MCF2L: variants seen among roughly 807,000 people sequenced by gnomAD.
MCF2L encodes the protein guanine nucleotide exchange factor DBS.
In MCF2L, 97 loss-of-function variants were observed where a neutral mutation model predicts 153.4. That is an observed-to-expected ratio of 0.63 (90% CI 0.54 to 0.75). MCF2L has a LOEUF of 0.75. MCF2L is among the 30% of genes least tolerant of loss of function. The probability of loss-of-function intolerance (pLI) is 0.00; values close to 1 mark genes in which losing one functional copy is unlikely to be tolerated. For synonymous variants in MCF2L, 659 were observed against 632.2 expected (o/e 1.04, Z -0.64); for missense variants, 1,347 against 1,495.2 (o/e 0.90, Z 1.64).
At chr13:113,069,945 C>A in intron 8 of MCF2L, 114 bp from the exon 9 acceptor site, 1 of 650,752 alleles carries the variant, frequency 1.5e-6, no homozygotes, top group Non-Finnish European at 2.6e-6. Flanking sequence ...AGGCCAGGAT[C>A]TCAGGAAGGC....
At chr13:112,924,221 A>G (rs577034595) in intron 2 of MCF2L, among the ~76,000 whole-genome samples, 2 of 150,940 alleles carry the variant, frequency 1.3e-5, no homozygotes, top group African/African-American at 2.4e-5. Context: ...GCTCCCCACA[A>G]CCCCCCCACG....
At chr13:113,060,315 A>C (rs2031169502) in intron 4 of MCF2L, among the ~76,000 whole-genome samples, 1 of 152,240 alleles carries the variant, frequency 6.6e-6, no homozygotes, top group Admixed American at 6.5e-5. Context: ...GACACAGCTC[A>C]GCCCCTAACA....
At chr13:112,985,938 G>A (rs762397790) in intron 1 of MCF2L, among the ~76,000 whole-genome samples, 4 of 152,222 alleles carry the variant, frequency 2.6e-5, no homozygotes, top group Non-Finnish European at 5.9e-5. Context: ...ACCGAAGCCC[G>A]GTTTATGCAG....
In MCF2L at chr13:112,904,949, T is replaced by C. The variant is rs778338660; in HGVS notation, c.169+2578T>C. 5.9e-5 allele frequency among the ~76,000 whole-genome samples: 9 copies of C among 152,218 alleles called. No individual in the cohort carries two copies. The highest frequency in any genetic ancestry group is 1.0e-4 in the Non-Finnish European group (7 of 68,030). On this transcript the variant is annotated intron_variant, in intron 2 of 29. Coordinates refer to the MCF2L transcript ENST00000375608. This position sits in a 1 kb window ranked among gnomAD's most constrained non-coding sequence, Gnocchi z 4.2. Reference sequence around the variant, plus strand: ...AAATAGACACCCATGAAATGTACCATTTTAACTACTGTCAAGTGTAGAGTT... The same window carrying C: ...AAATAGACACCCATGAAATGTACCACTTTAACTACTGTCAAGTGTAGAGTT...
chr13:113,085,510 A>G (rs1007882278), intron 20 of MCF2L, among the ~76,000 whole-genome samples: 3 of 152,138 alleles, frequency 2.0e-5, no homozygotes, highest in African/African-American at 7.2e-5. Flanking sequence ...GGCGGCCTAG[A>G]CTGGGGATTC....
rs1401844156 is a variant in MCF2L, at chr13:112,932,354, A to G, written c.169+29983A>G. Among the ~76,000 whole-genome samples the G allele has an allele frequency of 6.6e-6, 1 of 152,220 alleles. No individual in the cohort carries two copies. The highest frequency in any genetic ancestry group is 1.5e-5 in the Non-Finnish European group (1 of 68,036). ...CAGTATACCTGACCAGTAGCCCTCA[A>G]AACTGTCAAAGTCATCAAAAATAAG... On this transcript the variant is annotated intron_variant, in intron 2 of 29. Transcript: ENST00000375608. The surrounding 1 kb of genome is among the most constrained non-coding windows in gnomAD (Gnocchi z 4.6).
At chr13:113,038,826 C>G (rs1291926491) in intron 3 of MCF2L, among the ~76,000 whole-genome samples, 6 of 152,162 alleles carry the variant, frequency 3.9e-5, no homozygotes, top group Admixed American at 3.3e-4. Flanking sequence ...CCAGACAGAC[C>G]ACACATCTGC....
At chr13:112,986,621 G>A (rs1374260216) in intron 1 of MCF2L, among the ~76,000 whole-genome samples, 1 of 152,210 alleles carries the variant, frequency 6.6e-6, no homozygotes, top group African/African-American at 2.4e-5. Context: ...GGACAGAAAC[G>A]CAAGAGCCAC....
At chr13:112,914,301 T>A (rs896990090) in intron 2 of MCF2L, among the ~76,000 whole-genome samples, 1 of 152,230 alleles carries the variant, frequency 6.6e-6, no homozygotes, top group African/African-American at 2.4e-5. Context: ...GTAAATAGCG[T>A]CTGCACGCTT....
chr13:113,013,075 A>C (rs561555733), intron 1 of MCF2L, among the ~76,000 whole-genome samples: 1 of 152,156 alleles, frequency 6.6e-6, no homozygotes, highest in East Asian at 1.9e-4. Context: ...CTCAGGTCAC[A>C]GTCGCTCCTG....
chr13:112,930,305 C>T (rs781759271), intron 2 of MCF2L, among the ~76,000 whole-genome samples: 20 of 152,126 alleles, frequency 1.3e-4, no homozygotes, highest in Non-Finnish European at 2.5e-4. Flanking sequence ...GTATGTCATT[C>T]AGTAGATGAA....
At chr13:112,988,462 G>C (rs552911098) in intron 1 of MCF2L, among the ~76,000 whole-genome samples, 4 of 152,324 alleles carry the variant, frequency 2.6e-5, no homozygotes, top group Admixed American at 2.0e-4. Context: ...ATTCTCGGCA[G>C]CTCTGTGCGG....
At chr13:112,931,304 G>T (rs2081460609) in intron 2 of MCF2L, among the ~76,000 whole-genome samples, 1 of 152,202 alleles carries the variant, frequency 6.6e-6, no homozygotes. Flanking sequence ...GGCAAAAGAA[G>T]CCACACAAAC....
At chr13:112,972,158 C>G (rs775143676) in intron 1 of MCF2L, among the ~76,000 whole-genome samples, 19 of 151,598 alleles carry the variant, frequency 1.3e-4, no homozygotes, top group Non-Finnish European at 2.5e-4. Flanking sequence ...ATTAGTTGAC[C>G]TAATACTAAC....
At position 113,027,129 on chromosome 13, in the gene MCF2L, A is replaced by C. The variant is rs1284365274; in HGVS notation, c.278+2371A>C. 1.4e-6 allele frequency: 1 copy of C among 706,934 alleles called. No individual in the cohort carries two copies. Among genetic ancestry groups the C allele is most frequent in the South Asian group, 1.5e-5 (1 of 67,044 alleles). 43.8% of individuals were successfully genotyped at this position (706,934 alleles called of 1,614,324 possible). Reference sequence around the variant, plus strand: ...CAAAACACAGAGGAGATGTTTAACCATCAGCGTGAAAGTGCAGCCGTGGCC... The same window carrying C: ...CAAAACACAGAGGAGATGTTTAACCCTCAGCGTGAAAGTGCAGCCGTGGCC... On this transcript the variant is annotated intron_variant, in intron 3 of 29. Coordinates refer to ENST00000535094, the MANE Select transcript of MCF2L (RefSeq NM_001112732.3). The surrounding 1 kb of genome is among the most constrained non-coding windows in gnomAD (Gnocchi z 4.8).
intron 1 of MCF2L, among the ~76,000 whole-genome samples, chr13:112,994,097 A>AC (rs1455563966): frequency 4.0e-5 from 6 of 150,050 alleles, no homozygotes; most frequent in African/African-American, 2.5e-5. Flanking sequence ...GGCGCTTGGG[A>AC]CCCCCCAAGC....
intron 9 of MCF2L, among the ~76,000 whole-genome samples, chr13:113,071,748 C>T (rs765635577): frequency 2.6e-5 from 4 of 152,220 alleles, no homozygotes; most frequent in Non-Finnish European, 5.9e-5. Flanking sequence ...TCTGTCTGTA[C>T]CACAAGGTCT....
chr13:112,968,786 C>T (rs563331894), upstream of MCF2L: 21 of 1,344,152 alleles, frequency 1.6e-5, no homozygotes, highest in African/African-American at 2.5e-4. Context: ...CGCGGCTTCG[C>T]GGCTGCCCGC....
intron 20 of MCF2L, 132 bp downstream of exon 20, chr13:113,085,310 A>G: frequency 1.4e-6 from 1 of 726,300 alleles, no homozygotes; most frequent in Non-Finnish European, 2.3e-6. Flanking sequence ...GCCTGTGCTG[A>G]GGCTGGGATG....
Sources: allele counts gnomAD v4.1 joint callset (sites outside exome capture counted in the v4.1 genomes callset), GRCh38; gene constraint gnomAD v4.1.1; non-coding constraint Gnocchi (gnomAD v3.1); transcripts MANE v1.5; gene names NCBI Gene and HGNC (gene_info 2026-07-23, HGNC 2026-07-21).